Variants in FTO observed in about 807,000 individuals in gnomAD.
FTO encodes the protein FTO alpha-ketoglutarate dependent dioxygenase, also known as alpha-ketoglutarate-dependent dioxygenase FTO.
Under a neutral mutation model 63.9 loss-of-function variants are expected in FTO, and 47 were observed. The ratio of observed to expected loss-of-function variants is 0.74; its 90% CI spans 0.58 to 0.94. FTO has a LOEUF of 0.94. Among genes scored for constraint, FTO ranks in the 40% least tolerant of loss-of-function variants. The pLI, the probability that FTO is intolerant of heterozygous loss-of-function variation, is 0.00. For synonymous variants in FTO, 207 were observed against 224.4 expected, an observed-to-expected ratio of 0.92 and a Z score of 0.69; for missense variants, 562 against 618.1, an observed-to-expected ratio of 0.91 and a Z score of 0.96.
chr16:54,116,440 C>A lies in FTO; in HGVS notation c.*4525C>A, dbSNP rs2086975535. 1.3e-5 allele frequency: 2 copies of A among 152,112 alleles called. No individual in the cohort carries two copies. Among genetic ancestry groups the A allele is most frequent in the South Asian group, 2.1e-4 (1 of 4,786 alleles). 9.4% of individuals were successfully genotyped at this position (152,112 alleles called of 1,614,324 possible). A position where few individuals can be genotyped will look rare whatever the true frequency, so the allele number is the denominator to read the frequency against. On this transcript the variant is annotated 3_prime_UTR_variant, in exon 9 of 9. Coordinates refer to ENST00000471389, the MANE Select transcript of FTO (RefSeq NM_001080432.3). Reference sequence around the variant, plus strand: ...ATTAAAATGCGCCGAAGTGGTAATGCCGTTTATCCCGTTTGCCTTTGTTAC... The same window carrying A: ...ATTAAAATGCGCCGAAGTGGTAATGACGTTTATCCCGTTTGCCTTTGTTAC...
chr16:53,825,267 A>G (rs549339020), intron 2 of FTO, among the ~76,000 whole-genome samples: 4 of 152,270 alleles, frequency 2.6e-5, no homozygotes, highest in East Asian at 1.9e-4. Context: ...TATTGAGACA[A>G]TGCATTCTCA....
intron 8 of FTO, among the ~76,000 whole-genome samples, chr16:53,976,943 A>G (rs926017755): frequency 1.3e-5 from 2 of 152,116 alleles, no homozygotes; most frequent in Admixed American, 1.3e-4. Context: ...AATAATCCAA[A>G]ATAAAATGAT....
chr16:53,810,162 T>G lies in FTO; in HGVS notation c.68T>G (p.Leu23Arg). ...CAGAAACTGAGGCTTCTTGAAGAGC[T>G]TGAAGACACTTGGCTCCCTTATCTG... ...EAKKLRLLEE[L>R]EDTWLPYLTP... is the part of the protein sequence containing the mutation. The change falls in exon 2 of 9, where the codon CTT (leucine) becomes CGT (arginine). Residue 23 changes from leucine to arginine, a missense_variant. Transcript: ENST00000471389. 1.2e-6 allele frequency: 2 copies of G among 1,611,090 alleles called. No individual in the cohort carries two copies. The highest frequency in any genetic ancestry group is 1.7e-6 in the Non-Finnish European group (2 of 1,177,826).
intron 3 of FTO, among the ~76,000 whole-genome samples, chr16:53,837,809 G>T (rs1351745333): frequency 1.3e-5 from 2 of 152,204 alleles, no homozygotes; most frequent in South Asian, 2.1e-4. Context: ...GCACGAAGAA[G>T]CTGGTACCTT....
At chr16:53,985,244 A>G (rs1003119508) in intron 8 of FTO, among the ~76,000 whole-genome samples, 36 of 152,334 alleles carry the variant, frequency 2.4e-4, no homozygotes, top group African/African-American at 8.7e-4. Context: ...ACACTGTGAA[A>G]CTTAATGGAC....
chr16:54,095,204 T>TA (rs2086489512), intron 8 of FTO, among the ~76,000 whole-genome samples: 1 of 152,202 alleles, frequency 6.6e-6, no homozygotes, highest in South Asian at 2.1e-4. Context: ...TGTGCCTGGC[T>TA]AATTTATTTA....
chr16:53,988,049 G>A (rs1292101124), intron 8 of FTO, among the ~76,000 whole-genome samples: 2 of 152,114 alleles, frequency 1.3e-5, no homozygotes, highest in African/African-American at 4.8e-5. Context: ...CTTATAGCCT[G>A]TTAATAGGAT....
At chr16:53,775,035 C>T (rs889975555) in intron 1 of FTO, among the ~76,000 whole-genome samples, 4 of 152,066 alleles carry the variant, frequency 2.6e-5, no homozygotes, top group African/African-American at 7.2e-5. Flanking sequence ...ATTGGTGAAG[C>T]TTATTTCTCA....
At chr16:53,898,448 C>T (rs1304679354) in intron 7 of FTO, among the ~76,000 whole-genome samples, 1 of 152,164 alleles carries the variant, frequency 6.6e-6, no homozygotes, top group African/African-American at 2.4e-5. Flanking sequence ...GTACTCTTAA[C>T]ACTTTCCACC....
intron 8 of FTO, among the ~76,000 whole-genome samples, chr16:54,104,373 T>C (rs2086702969): frequency 6.7e-6 from 1 of 150,108 alleles, no homozygotes; most frequent in Admixed American, 6.7e-5. Flanking sequence ...AGTGCAGCGG[T>C]TCGATCTCGG....
intron 8 of FTO, chr16:53,991,290 C>T (rs994814601): frequency 3.9e-5 from 6 of 152,130 alleles, no homozygotes; most frequent in Admixed American, 1.3e-4. Flanking sequence ...ACCCAAGCCT[C>T]GTGATTAATA....
chr16:53,720,111 ACTG>A (rs2076002206), intron 1 of FTO, among the ~76,000 whole-genome samples: 1 of 151,966 alleles, frequency 6.6e-6, no homozygotes, highest in South Asian at 2.1e-4. Context: ...AGTGCACATC[ACTG>A]GTGGTTGGAG....
Position 53,826,355 on chromosome 16 carries a change from T to G in FTO, c.615T>G (p.Asn205Lys). 2 of 1,614,156 alleles carry G rather than the reference T, an allele frequency of 1.2e-6. No homozygotes were observed. Among genetic ancestry groups the G allele is most frequent in the Non-Finnish European group, 1.7e-6 (2 of 1,180,034 alleles). ...SRAAYNVTLL[N>K]FMDPQKMPYL... Reference sequence around the variant, plus strand: ...CAGCATACAACGTAACTTTGCTGAATTTCATGGATCCTCAGAAAATGCCAT... The same window carrying G: ...CAGCATACAACGTAACTTTGCTGAAGTTCATGGATCCTCAGAAAATGCCAT... Residue 205 changes from asparagine (N) to lysine (K), a missense_variant, in exon 3 of 9, where the codon AAT becomes AAG. Asn to Lys is a moderately conservative substitution (Grantham distance 94, BLOSUM62 0). Transcript: ENST00000471389.
chr16:53,882,068 C>CA (rs145302513), intron 6 of FTO, among the ~76,000 whole-genome samples: 6,519 of 151,008 alleles, frequency 0.043, 454 homozygotes, highest in African/African-American at 0.14. Context: ...AATTATACCT[C>CA]AAAAAAAACC....
rs141980283 is a variant in FTO, at chr16:53,946,197, C to CA, written c.1364+12097dup. Among the ~76,000 whole-genome samples the CA allele has an allele frequency of 2.2e-3, 325 of 150,742 alleles. 1 individual carries two copies. The highest frequency in any genetic ancestry group is 6.7e-3 in the African/African-American group (274 of 41,156). ...AAACAAAACCAAACAAATCAGAAAACAAAAAAAAATAGTTGAATCACCTTG... is the reference window on the plus strand; with the variant it reads ...AAACAAAACCAAACAAATCAGAAAACAAAAAAAAAATAGTTGAATCACCTTG... On this transcript the variant is annotated intron_variant, in intron 8 of 8. Coordinates refer to ENST00000471389, the MANE Select transcript of FTO (RefSeq NM_001080432.3).
Position 53,869,632 on chromosome 16 carries a change from G to A in FTO, c.896-4154G>A, listed in dbSNP as rs116755627. On this transcript the variant is annotated intron_variant, in intron 4 of 8. Transcript: ENST00000471389. ...CCTCATGCTCAGAGATCTTTCATCTGCCTTGCCCAGTTCTCTAATGAGCCC... is the reference window on the plus strand; with the variant it reads ...CCTCATGCTCAGAGATCTTTCATCTACCTTGCCCAGTTCTCTAATGAGCCC... Among the ~76,000 whole-genome samples the A allele has an allele frequency of 7.5e-3, 1,079 of 144,150 alleles. 13 individuals are homozygous for A. Among genetic ancestry groups the A allele is most frequent in the African/African-American group, 0.027 (1,024 of 38,442 alleles). The allele number at this position is 144,150 out of a possible 152,430, so 94.6% of individuals were successfully genotyped here.
intron 4 of FTO, among the ~76,000 whole-genome samples, chr16:53,850,811 A>G (rs1209155545): frequency 1.3e-5 from 2 of 152,140 alleles, no homozygotes; most frequent in Non-Finnish European, 2.9e-5. Context: ...TTTTAAGGCT[A>G]TGAAAATGCT....
chr16:53,791,506 C>G (rs1243286683), intron 1 of FTO, among the ~76,000 whole-genome samples: 1 of 152,110 alleles, frequency 6.6e-6, no homozygotes, highest in Non-Finnish European at 1.5e-5. Context: ...GTTATTATGT[C>G]TCAGATTGAA....
At chr16:54,054,623 T>C (rs551278181) in intron 8 of FTO, 1 of 152,302 alleles carries the variant, frequency 6.6e-6, no homozygotes, top group East Asian at 1.9e-4. Flanking sequence ...GTAGTCCAGA[T>C]TTGTAAGGCT....
Sources: gnomAD v4.1 joint callset for allele counts (sites outside exome capture counted in the v4.1 genomes callset) on GRCh38, gnomAD v4.1.1 for gene constraint, MANE v1.5 for transcripts, NCBI Gene and HGNC (gene_info 2026-07-23, HGNC 2026-07-21) for gene names.